The following COBL variants were observed in gnomAD, a reference collection of about 807,000 sequenced individuals.
The protein encoded by COBL is protein cordon-bleu.
In COBL, 51 loss-of-function variants were observed where a neutral mutation model predicts 98.8. That is an observed-to-expected ratio of 0.52 (90% CI 0.41 to 0.65). The LOEUF is 0.65. Ranked by LOEUF, COBL falls within the 30% of genes least tolerant of loss-of-function variation. COBL has a pLI of 0.00. For missense variants in COBL, 1,617 were observed against 1,617.5 expected, an observed-to-expected ratio of 1.00 and a Z score of 0.01; for synonymous variants, 634 against 651.7, an observed-to-expected ratio of 0.97 and a Z score of 0.41.
At chr7:51,083,340 C>A in intron 7 of COBL, 2 of 712,064 alleles carry the variant, frequency 2.8e-6, no homozygotes, top group Non-Finnish European at 4.5e-6. Context: ...AACACCAGAT[C>A]CAGCCACACC....
intron 1 of COBL, among the ~76,000 whole-genome samples, chr7:51,301,941 G>C (rs60718545): frequency 0.025 from 3,808 of 152,214 alleles, 146 homozygotes; most frequent in African/African-American, 0.086. Context: ...TCAAAACCTG[G>C]TAGCTTTGCC....
At chr7:51,127,454 G>A (rs1398511193) in intron 6 of COBL, among the ~76,000 whole-genome samples, 1 of 152,190 alleles carries the variant, frequency 6.6e-6, no homozygotes, top group African/African-American at 2.4e-5. Flanking sequence ...CTGCTACAGG[G>A]ACAGACGCAA....
chr7:51,224,273 TTGA>T (rs1356140542), intron 1 of COBL, among the ~76,000 whole-genome samples: 4 of 152,210 alleles, frequency 2.6e-5, no homozygotes, highest in Non-Finnish European at 4.4e-5. Context: ...AAAATGCTTA[TTGA>T]TGATGATGAT....
intron 1 of COBL, among the ~76,000 whole-genome samples, chr7:51,316,017 G>A (rs1373270904): frequency 6.6e-6 from 1 of 152,208 alleles, no homozygotes; most frequent in Non-Finnish European, 1.5e-5. Flanking sequence ...AGGGAGAGCT[G>A]CTGCCATGAA....
chr7:51,221,647 T>C (rs1318997125), intron 1 of COBL, among the ~76,000 whole-genome samples: 1 of 152,218 alleles, frequency 6.6e-6, no homozygotes, highest in African/African-American at 2.4e-5. Flanking sequence ...CAATGGATCA[T>C]ATAGCAGTTT....
chr7:51,249,724 T>C (rs1022691935), intron 1 of COBL, among the ~76,000 whole-genome samples: 1 of 152,134 alleles, frequency 6.6e-6, no homozygotes, highest in Non-Finnish European at 1.5e-5. Context: ...TACCAGACAA[T>C]GCTGCCAGGA....
intron 6 of COBL, among the ~76,000 whole-genome samples, chr7:51,092,236 G>A (rs1002266506): frequency 1.2e-4 from 18 of 152,182 alleles, no homozygotes; most frequent in African/African-American, 3.6e-4. Context: ...CCACTGGTCC[G>A]TGGAAAAATT....
intron 5 of COBL, among the ~76,000 whole-genome samples, chr7:51,151,214 C>G (rs1785522640): frequency 6.6e-6 from 1 of 152,136 alleles, no homozygotes; most frequent in African/African-American, 2.4e-5. Context: ...CCTTGATGCA[C>G]TGATTTATGT....
At chr7:51,294,295 C>CATAAATAA (rs201170093) in intron 1 of COBL, among the ~76,000 whole-genome samples, 2,739 of 138,912 alleles carry the variant, frequency 0.02, 41 homozygotes, top group African/African-American at 0.037. Flanking sequence ...CATCTCAAAA[C>CATAAATAA]ATAAATAAAT....
chr7:51,205,814 T>A (rs796934089), intron 2 of COBL, among the ~76,000 whole-genome samples: 53 of 152,214 alleles, frequency 3.5e-4, no homozygotes, highest in African/African-American at 1.2e-3. Flanking sequence ...CAGCCACATA[T>A]CCAATTAAGG....
At chr7:51,136,420 C>A in intron 5 of COBL, 89 bp from the exon 6 acceptor site, 1 of 1,361,420 alleles carries the variant, frequency 7.3e-7, no homozygotes, top group East Asian at 2.4e-5. Flanking sequence ...AGTTCCAATC[C>A]GTCCACCTGA....
chr7:51,232,066 G>C (rs1489940489), intron 1 of COBL, among the ~76,000 whole-genome samples: 2 of 152,202 alleles, frequency 1.3e-5, no homozygotes. Context: ...CCTAACCTCT[G>C]AGAAATAGGA....
At chr7:51,182,871 G>A (rs1789122634) in intron 5 of COBL, among the ~76,000 whole-genome samples, 1 of 152,146 alleles carries the variant, frequency 6.6e-6, no homozygotes, top group South Asian at 2.1e-4. Flanking sequence ...TGAATCTGAG[G>A]TTTGTGAAAA....
intron 1 of COBL, among the ~76,000 whole-genome samples, chr7:51,246,126 G>A (rs1442370714): frequency 2.0e-5 from 3 of 151,860 alleles, no homozygotes; most frequent in Non-Finnish European, 4.4e-5. Flanking sequence ...ATCACTCCAT[G>A]AATTTAAAAC....
chr7:51,122,232 C>T (rs1221821105), intron 6 of COBL, among the ~76,000 whole-genome samples: 2 of 152,220 alleles, frequency 1.3e-5, no homozygotes, highest in East Asian at 3.8e-4. Flanking sequence ...CGTTAAGCAA[C>T]TAAAATAGCT....
chr7:51,053,327 C>T (rs1351059008), intron 7 of COBL, among the ~76,000 whole-genome samples: 1 of 152,146 alleles, frequency 6.6e-6, no homozygotes, highest in African/African-American at 2.4e-5. Flanking sequence ...ATCCTCTTGC[C>T]TGACAGGCAG....
chr7:51,159,381 G>A (rs997954213), intron 5 of COBL, among the ~76,000 whole-genome samples: 35 of 152,204 alleles, frequency 2.3e-4, no homozygotes, highest in African/African-American at 8.4e-4. Context: ...GAGGACCCCA[G>A]GGTTCTGGCC....
At chr7:51,068,530 T>C (rs1172883752) in intron 7 of COBL, among the ~76,000 whole-genome samples, 5 of 152,216 alleles carry the variant, frequency 3.3e-5, no homozygotes, top group Admixed American at 6.5e-5. Flanking sequence ...ATATATATAG[T>C]TGTGTGCATG....
intron 5 of COBL, among the ~76,000 whole-genome samples, chr7:51,179,755 C>T (rs1339231656): frequency 2.0e-5 from 3 of 152,000 alleles, no homozygotes; most frequent in Non-Finnish European, 1.5e-5. Context: ...GAGATCATGC[C>T]GTTGAACAAC....
Sources: gnomAD v4.1 joint callset for allele counts (sites outside exome capture counted in the v4.1 genomes callset) on GRCh38, gnomAD v4.1.1 for gene constraint, MANE v1.5 for transcripts, NCBI Gene and HGNC (gene_info 2026-07-23, HGNC 2026-07-21) for gene names.